The following MECOM variants were observed in gnomAD, a reference collection of about 807,000 sequenced individuals.
The protein encoded by MECOM is histone-lysine N-methyltransferase MECOM.
A neutral mutation model predicts 116.3 loss-of-function variants in MECOM; 13 were observed. The observed-to-expected ratio is 0.11, with a 90% CI of 0.07 to 0.18. The LOEUF is 0.18. Ranked by LOEUF, MECOM falls within the 10% of genes least tolerant of loss-of-function variation. MECOM has a pLI of 1.00. For synonymous variants in MECOM, 528 were observed against 535.2 expected, an observed-to-expected ratio of 0.99 and a Z score of 0.19; for missense variants, 1,299 against 1,509.0, an observed-to-expected ratio of 0.86 and a Z score of 2.31.
intron 1 of MECOM, among the ~76,000 whole-genome samples, chr3:169,604,963 G>A (rs1198081546): frequency 6.6e-6 from 1 of 152,130 alleles, no homozygotes; most frequent in Non-Finnish European, 1.5e-5. Context: ...AATGAAATTA[G>A]TATCTCTTTC....
chr3:169,140,889 G>C (rs1737897503), intron 3 of MECOM, among the ~76,000 whole-genome samples: 2 of 151,844 alleles, frequency 1.3e-5, no homozygotes, highest in African/African-American at 4.8e-5. Flanking sequence ...GCTGTTTCTA[G>C]AACTTCTTCA....
chr3:169,306,004 G>T (rs1047597086), intron 2 of MECOM, among the ~76,000 whole-genome samples: 2 of 151,980 alleles, frequency 1.3e-5, no homozygotes, highest in African/African-American at 4.8e-5. Flanking sequence ...TTTGGTTAAA[G>T]ATTTTCCTTT....
At chr3:169,248,721 T>C (rs1755893921) in intron 2 of MECOM, among the ~76,000 whole-genome samples, 1 of 152,166 alleles carries the variant, frequency 6.6e-6, no homozygotes, top group Admixed American at 6.5e-5. Flanking sequence ...ATTAGCGTAC[T>C]TCTAAGAAGA....
chr3:169,214,200 G>A (rs765897371), intron 2 of MECOM, among the ~76,000 whole-genome samples: 3 of 151,878 alleles, frequency 2.0e-5, no homozygotes, highest in African/African-American at 4.8e-5. Flanking sequence ...AAACTAACAT[G>A]TATGAACATC....
chr3:169,648,744 CT>C (rs1427173964), intron 1 of MECOM, among the ~76,000 whole-genome samples: 1 of 152,212 alleles, frequency 6.6e-6, no homozygotes, highest in Non-Finnish European at 1.5e-5. Flanking sequence ...ACATGCCAGC[CT>C]GAAAGACAAG....
chr3:169,420,567 C>T (rs550101647), intron 1 of MECOM, among the ~76,000 whole-genome samples: 15 of 152,116 alleles, frequency 9.9e-5, no homozygotes, highest in Non-Finnish European at 1.8e-4. Flanking sequence ...GGAAGCCGGC[C>T]CCTAGAAATA....
intron 2 of MECOM, among the ~76,000 whole-genome samples, chr3:169,313,775 A>C (rs1345132306): frequency 6.6e-6 from 1 of 152,222 alleles, no homozygotes; most frequent in African/African-American, 2.4e-5. Context: ...AGAGGTGCAG[A>C]GGAAGAGTAG....
At chr3:169,295,800 G>A (rs17251130) in intron 2 of MECOM, among the ~76,000 whole-genome samples, 9,073 of 152,188 alleles carry the variant, frequency 0.06, 282 homozygotes, top group Middle Eastern at 0.078. Flanking sequence ...ACAAAGCAAA[G>A]ACACCTTTTC....
chr3:169,230,817 T>C (rs1753295421), intron 2 of MECOM, among the ~76,000 whole-genome samples: 1 of 152,170 alleles, frequency 6.6e-6, no homozygotes, highest in Non-Finnish European at 1.5e-5. Context: ...TGGAGAAGAA[T>C]AGTTGCCGCA....
At chr3:169,121,903 A>C (rs1046610638) in intron 6 of MECOM, among the ~76,000 whole-genome samples, 1 of 152,184 alleles carries the variant, frequency 6.6e-6, no homozygotes, top group Non-Finnish European at 1.5e-5. Context: ...CATGAAAAAA[A>C]AAAAGCTATT....
intron 2 of MECOM, among the ~76,000 whole-genome samples, chr3:169,195,052 A>G (rs2149434786): frequency 6.6e-6 from 1 of 152,162 alleles, no homozygotes; most frequent in Non-Finnish European, 1.5e-5. Context: ...CTCAGTTTCC[A>G]CATCTACATA....
intron 1 of MECOM, among the ~76,000 whole-genome samples, chr3:169,563,884 C>G (rs1762936936): frequency 6.6e-6 from 1 of 152,162 alleles, no homozygotes; most frequent in Non-Finnish European, 1.5e-5. Flanking sequence ...TGTAGGTGCT[C>G]TTCCGGGCCT....
At chr3:169,658,470 G>A (rs1487148695) in intron 1 of MECOM, among the ~76,000 whole-genome samples, 1 of 152,246 alleles carries the variant, frequency 6.6e-6, no homozygotes, top group African/African-American at 2.4e-5. Flanking sequence ...GCACACGCAT[G>A]TGTGGGTGTG....
chr3:169,553,436 T>G (rs1761645177), intron 1 of MECOM, among the ~76,000 whole-genome samples: 1 of 152,216 alleles, frequency 6.6e-6, no homozygotes, highest in Non-Finnish European at 1.5e-5. Flanking sequence ...TTTTTGTCTA[T>G]TTTGCTCATT....
At chr3:169,140,424 T>C (rs917958054) in intron 3 of MECOM, among the ~76,000 whole-genome samples, 6 of 152,072 alleles carry the variant, frequency 3.9e-5, no homozygotes, top group African/African-American at 1.4e-4. Context: ...GTGTCTTTGG[T>C]ATAGCTTCTT....
At chr3:169,310,365 G>A (rs1236296599) in intron 2 of MECOM, among the ~76,000 whole-genome samples, 4 of 152,126 alleles carry the variant, frequency 2.6e-5, no homozygotes, top group South Asian at 2.1e-4. Context: ...TTATGAAATC[G>A]CTGATACTCA....
At chr3:169,572,679 A>G (rs1764047333) in intron 1 of MECOM, among the ~76,000 whole-genome samples, 1 of 152,160 alleles carries the variant, frequency 6.6e-6, no homozygotes, top group South Asian at 2.1e-4. Flanking sequence ...GGATGCAGGG[A>G]CATGGATGAA....
In MECOM at chr3:169,246,515, A is replaced by T. The variant is rs1349869015; in HGVS notation, c.376-102683T>A. On this transcript the variant is annotated intron_variant, in intron 2 of 16. Transcript: ENST00000651503. ...GATTATCTCATCTATCAACTGAAACAGTACACATACACTTTTTTTTTTTTT... is the reference window on the plus strand; with the variant it reads ...GATTATCTCATCTATCAACTGAAACTGTACACATACACTTTTTTTTTTTTT... Among the ~76,000 whole-genome samples, 3 of 151,300 alleles carry T rather than the reference A, an allele frequency of 2.0e-5. No homozygotes were observed. In the Admixed American group the frequency reaches 2.0e-4, roughly 10 times the overall value.
intron 1 of MECOM, among the ~76,000 whole-genome samples, chr3:169,584,428 G>C (rs532970844): frequency 6.6e-6 from 1 of 151,650 alleles, no homozygotes; most frequent in African/African-American, 2.4e-5. Flanking sequence ...AGCCGGGCGT[G>C]GTGGCGAGCG....
Sources: gnomAD v4.1 joint callset for allele counts (sites outside exome capture counted in the v4.1 genomes callset) on GRCh38, gnomAD v4.1.1 for gene constraint, MANE v1.5 for transcripts, NCBI Gene and HGNC (gene_info 2026-07-23, HGNC 2026-07-21) for gene names.